Variants in SRPK1 observed in about 807,000 individuals in gnomAD.
The protein encoded by SRPK1 is SRSF protein kinase 1.
A neutral mutation model predicts 89.5 loss-of-function variants in SRPK1; 52 were observed. The observed-to-expected ratio is 0.58, with a 90% CI of 0.46 to 0.73. SRPK1 has a LOEUF of 0.73. Ranked by LOEUF, SRPK1 falls within the 30% of genes least tolerant of loss-of-function variation. The pLI is 0.00. For missense variants in SRPK1, 603 were observed against 780.6 expected, an observed-to-expected ratio of 0.77 and a Z score of 2.71; for synonymous variants, 255 against 270.2, an observed-to-expected ratio of 0.94 and a Z score of 0.55.
At chr6:35,841,775 T>C (rs183316247) in intron 14 of SRPK1, among the ~76,000 whole-genome samples, 1 of 135,454 alleles carries the variant, frequency 7.4e-6, no homozygotes, top group Admixed American at 9.2e-5. Flanking sequence ...GAGGTTGTAG[T>C]GAGCCGAGAT....
chr6:35,894,003 T>A (rs957588640), intron 2 of SRPK1, among the ~76,000 whole-genome samples: 3 of 151,816 alleles, frequency 2.0e-5, no homozygotes, highest in African/African-American at 7.3e-5. Context: ...AGAGCGAGAC[T>A]CTGTCTCAAA....
At chr6:35,874,033 T>C (rs1340452026) in intron 7 of SRPK1, among the ~76,000 whole-genome samples, 200 bp downstream of exon 7, 2 of 149,854 alleles carry the variant, frequency 1.3e-5, no homozygotes, top group Non-Finnish European at 3.0e-5. Flanking sequence ...TTCACCATGT[T>C]AGCCAGGATG....
rs766474058 is a variant in SRPK1, at chr6:35,869,847, C to T, written c.1046G>A (p.Gly349Asp). Reference sequence around the variant, plus strand: ...ATTGCAATTAATTTCTGCTGCACCACCCTCTGTATCACGTTCCATAAGCGT... The same window carrying T: ...ATTGCAATTAATTTCTGCTGCACCATCCTCTGTATCACGTTCCATAAGCGT... ...DQTLMERDTE[G>D]GAAEINCNGV... is the part of the protein sequence containing the mutation. Residue 349 changes from glycine to aspartate, a missense_variant, in exon 11 of 16, where the codon GGT becomes GAT. Physicochemically the swap from Gly to Asp is moderately conservative, Grantham distance 94. Transcript: ENST00000373825. 2.4e-5 allele frequency: 39 copies of T among 1,606,830 alleles called. No individual in the cohort carries two copies. The South Asian group carries it at 3.9e-4, about 16-fold the overall frequency.
intron 2 of SRPK1, among the ~76,000 whole-genome samples, chr6:35,898,681 G>A (rs769134205): frequency 6.6e-6 from 1 of 152,066 alleles, no homozygotes; most frequent in Non-Finnish European, 1.5e-5. Context: ...GCAGTGAGCC[G>A]AGATCATGAC....
chr6:35,838,419 T>C lies in SRPK1; in HGVS notation c.1701A>G (p.Ala567=). Residue 567 remains alanine (A), a synonymous_variant, in exon 15 of 16, where the codon GCA becomes GCG. Transcript: ENST00000373825. ...CCTTCCCCAGAAGTTCTATGATCAA[T>C]GCAATGTGATCTGTATATTTCAAAC... ...EEYTRDEDHI[A]LIIELLGKVP... is the part of the protein sequence containing the mutation. 6.3e-7 allele frequency: 1 copy of C among 1,582,780 alleles called. No homozygotes were observed. Among genetic ancestry groups the C allele is most frequent in the East Asian group, 2.2e-5 (1 of 44,596 alleles).
At chr6:35,874,594 A>G (rs955593643) in intron 6 of SRPK1, among the ~76,000 whole-genome samples, 1 of 152,196 alleles carries the variant, frequency 6.6e-6, no homozygotes, top group African/African-American at 2.4e-5. Context: ...TAAAATACTC[A>G]ATGGTAAAAG....
chr6:35,843,223 C>T (rs1769351467), intron 13 of SRPK1, among the ~76,000 whole-genome samples: 1 of 151,800 alleles, frequency 6.6e-6, no homozygotes, highest in Admixed American at 6.6e-5. Context: ...CAACCTTGGC[C>T]TCCCAAAGTG....
At chr6:35,855,613 GT>G (rs1313885931) in intron 13 of SRPK1, among the ~76,000 whole-genome samples, 1 of 152,122 alleles carries the variant, frequency 6.6e-6, no homozygotes, top group Non-Finnish European at 1.5e-5. Context: ...ATTGATCTAT[GT>G]CCCTTTTTCC....
At chr6:35,847,030 G>A (rs985627990) in intron 13 of SRPK1, among the ~76,000 whole-genome samples, 8 of 152,170 alleles carry the variant, frequency 5.3e-5, no homozygotes, top group African/African-American at 1.9e-4. Context: ...TATTTAAGAA[G>A]GCCACAGCTA....
At chr6:35,901,198 C>G (rs183628028) in intron 2 of SRPK1, among the ~76,000 whole-genome samples, 4 of 152,150 alleles carry the variant, frequency 2.6e-5, no homozygotes, top group East Asian at 3.9e-4. Flanking sequence ...TAGAAAGATA[C>G]GTTGGAGTGC....
intron 13 of SRPK1, among the ~76,000 whole-genome samples, chr6:35,848,906 G>C (rs567198066): frequency 6.6e-6 from 1 of 152,110 alleles, no homozygotes; most frequent in African/African-American, 2.4e-5. Context: ...GAAACAGGGG[G>C]AAACCCACAT....
intron 13 of SRPK1, among the ~76,000 whole-genome samples, chr6:35,854,545 C>T (rs578034947): frequency 7.0e-5 from 5 of 71,376 alleles, no homozygotes; most frequent in Non-Finnish European, 1.3e-4. Flanking sequence ...CAGGTAAGTA[C>T]TTCCATTCCT....
intron 2 of SRPK1, among the ~76,000 whole-genome samples, chr6:35,896,284 A>G (rs1770625216): frequency 6.6e-6 from 1 of 152,190 alleles, no homozygotes; most frequent in South Asian, 2.1e-4. Context: ...TCTGCTGCAG[A>G]ACTGATTGGG....
rs1312368729 is a variant in SRPK1, at chr6:35,888,827, GATAACC to G, written c.284_289del (p.Trp95_Leu96del). The G allele has an allele frequency of 1.2e-6, 2 of 1,605,788 alleles. No homozygotes were observed. The highest frequency in any genetic ancestry group is 8.5e-7 in the Non-Finnish European group (1 of 1,172,842). On this transcript the variant is annotated inframe_deletion, in exon 4 of 16. Transcript: ENST00000373825. ...CACTAAAACTTACTGAATATCCCATGATAACCATACTGTTGAAAAGTGTCCCCAGCC... is the reference window on the plus strand; with the variant it reads ...CACTAAAACTTACTGAATATCCCATGATACTGTTGAAAAGTGTCCCCAGCC...
At chr6:35,872,780 G>C (rs1770060481) in intron 7 of SRPK1, 52 bp from the exon 8 acceptor site, 2 of 1,457,660 alleles carry the variant, frequency 1.4e-6, no homozygotes, top group Non-Finnish European at 1.8e-6. Context: ...AGGCTTTCTG[G>C]AGAAGTAAGA....
chr6:35,875,179 TAACA>T (rs1166751130), intron 6 of SRPK1, among the ~76,000 whole-genome samples: 1 of 151,698 alleles, frequency 6.6e-6, no homozygotes, highest in Non-Finnish European at 1.5e-5. Context: ...CTTGCTGTTC[TAACA>T]AATAAAAGAA....
At chr6:35,871,348 A>C (rs953533616) in intron 8 of SRPK1, among the ~76,000 whole-genome samples, 3 of 152,216 alleles carry the variant, frequency 2.0e-5, no homozygotes, top group African/African-American at 7.2e-5. Flanking sequence ...AGCTATAGTA[A>C]TTTGCTCTAC....
chr6:35,869,389 T>G, intron 11 of SRPK1, 93 bp downstream of exon 11: 1 of 1,440,922 alleles, frequency 6.9e-7, no homozygotes, highest in Non-Finnish European at 9.5e-7. Flanking sequence ...GTTGTAAAGC[T>G]ATAGTTACAA....
At chr6:35,915,662 T>G (rs1490736967) in intron 2 of SRPK1, among the ~76,000 whole-genome samples, 2 of 151,956 alleles carry the variant, frequency 1.3e-5, no homozygotes, top group African/African-American at 4.8e-5. Context: ...TGCCCAGTGA[T>G]TCCATTTTTG....
Sources: gnomAD v4.1 joint callset for allele counts (sites outside exome capture counted in the v4.1 genomes callset) on GRCh38, gnomAD v4.1.1 for gene constraint, MANE v1.5 for transcripts, NCBI Gene and HGNC (gene_info 2026-07-23, HGNC 2026-07-21) for gene names.